Variants in FANCA observed in about 807,000 individuals in gnomAD.
FANCA encodes Fanconi anemia group A protein.
In FANCA, 236 loss-of-function variants were observed where a neutral mutation model predicts 194.3. The observed-to-expected ratio is 1.21, with a 90% CI of 1.09 to 1.35. FANCA has a LOEUF of 1.35. Ranked by LOEUF, FANCA falls within the 40% of genes most tolerant of loss-of-function variation. FANCA has a pLI of 0.00. For missense variants in FANCA, 2,628 were observed against 1,813.9 expected (o/e 1.45, Z -8.15); for synonymous variants, 1,014 against 715.8 (o/e 1.42, Z -6.65).
intron 38 of FANCA, 121 bp from the exon 39 acceptor site, chr16:89,740,220 G>C (rs1019518104): frequency 1.2e-6 from 1 of 868,264 alleles, no homozygotes; most frequent in African/African-American, 1.6e-5. Context: ...TCTTAAAACT[G>C]GTGACAGTTT....
At chr16:89,791,665 C>G in intron 13 of FANCA, 129 bp from the exon 14 acceptor site, 17 of 1,326,646 alleles carry the variant, frequency 1.3e-5, no homozygotes, top group Non-Finnish European at 1.8e-5. Flanking sequence ...TTTTAAAAGA[C>G]TACACAGCAA....
At chr16:89,797,636 G>C (rs1184985998) in intron 10 of FANCA, among the ~76,000 whole-genome samples, 2 of 152,148 alleles carry the variant, frequency 1.3e-5, no homozygotes, top group Non-Finnish European at 2.9e-5. Context: ...CCAGTACTTT[G>C]GGAGGCTGAG....
intron 7 of FANCA, 77 bp downstream of exon 7, chr16:89,805,203 A>G: frequency 1.8e-6 from 2 of 1,120,788 alleles, no homozygotes; most frequent in East Asian, 2.5e-5. Flanking sequence ...TGCCTCGCAG[A>G]GCTCTTGAGA....
At chr16:89,798,400 C>T (rs1012514408) in intron 10 of FANCA, 156 of 1,059,422 alleles carry the variant, frequency 1.5e-4, no homozygotes, top group Non-Finnish European at 1.6e-4. Flanking sequence ...GTAAAAGTAC[C>T]GAACGGTACA....
At chr16:89,759,058 T>C (rs2038855983) in intron 29 of FANCA, among the ~76,000 whole-genome samples, 1 of 151,944 alleles carries the variant, frequency 6.6e-6, no homozygotes, top group South Asian at 2.1e-4. Flanking sequence ...CAGTGGCTCA[T>C]GCCTGTAATC....
intron 28 of FANCA, among the ~76,000 whole-genome samples, chr16:89,764,341 G>C (rs2039052784): frequency 6.6e-6 from 1 of 152,166 alleles, no homozygotes; most frequent in Admixed American, 6.6e-5. Context: ...GTCTTGCTGT[G>C]TCATCCTGGC....
chr16:89,737,803 C>T lies in FANCA; in HGVS notation c.*798G>A, dbSNP rs755674705. 37 of 1,614,066 alleles carry T rather than the reference C, an allele frequency of 2.3e-5. No homozygotes were observed. Among genetic ancestry groups the T allele is most frequent in the Non-Finnish European group, 3.0e-5 (35 of 1,180,036 alleles). On this transcript the variant is annotated 3_prime_UTR_variant, in exon 43 of 43. Coordinates refer to ENST00000389301, the MANE Select transcript of FANCA (RefSeq NM_000135.4). The stretch of plus-strand genomic sequence containing the variant: ...CTGGACTCACTGGACTCTCCCCTCT[C>T]AGAGGTGCGGAACTATATCTGTGAC...
At chr16:89,799,902 G>A (rs1298692465) in intron 8 of FANCA, among the ~76,000 whole-genome samples, 1 of 152,208 alleles carries the variant, frequency 6.6e-6, no homozygotes, top group Non-Finnish European at 1.5e-5. Context: ...GCTGAGGCAG[G>A]AGAATGGCGT....
intron 30 of FANCA, among the ~76,000 whole-genome samples, chr16:89,757,946 C>G (rs2038819547): frequency 6.6e-6 from 1 of 152,166 alleles, no homozygotes; most frequent in South Asian, 2.1e-4. Flanking sequence ...ACCTCTGCCT[C>G]CCAGGTTCAA....
rs1161905441 is a variant in FANCA, at chr16:89,742,945, C to A, written c.3627-7G>T. The A allele has an allele frequency of 6.2e-7, 1 of 1,613,564 alleles. No individual in the cohort carries two copies. Among genetic ancestry groups the A allele is most frequent in the Admixed American group, 1.7e-5 (1 of 59,992 alleles). ...AGCCTCAGGGGAGAGGAAACTGGGACAGAGAGAACGGGGTCATTGCAGGGC... is the reference window on the plus strand; with the variant it reads ...AGCCTCAGGGGAGAGGAAACTGGGAAAGAGAGAACGGGGTCATTGCAGGGC... On this transcript the variant is annotated splice_polypyrimidine_tract_variant and splice_region_variant and intron_variant, in intron 36 of 42. Transcript: ENST00000389301.
intron 13 of FANCA, 122 bp downstream of exon 13, chr16:89,791,805 C>G: frequency 7.8e-7 from 1 of 1,278,108 alleles, no homozygotes; most frequent in African/African-American, 1.5e-5. Context: ...GGAGGCACTG[C>G]AGGTTCCGGG....
At chr16:89,814,342 G>T in intron 3 of FANCA, among the ~76,000 whole-genome samples, 178 bp downstream of exon 3, 1 of 152,232 alleles carries the variant, frequency 6.6e-6, no homozygotes, top group East Asian at 1.9e-4. Context: ...TTTAAACACA[G>T]CATCGTAAGA....
intron 28 of FANCA, among the ~76,000 whole-genome samples, chr16:89,764,642 A>G (rs2039063004): frequency 3.3e-5 from 5 of 152,170 alleles, no homozygotes; most frequent in African/African-American, 1.2e-4. Flanking sequence ...TGAGGCCACA[A>G]CGATTTTAGT....
chr16:89,816,565 GC>G lies in FANCA; in HGVS notation c.50del (p.Gly17AlafsTer27), dbSNP rs748624754. 2.6e-6 allele frequency: 4 copies of G among 1,512,852 alleles called. No homozygotes were observed. The highest frequency in any genetic ancestry group is 3.5e-6 in the Non-Finnish European group (4 of 1,138,622). The allele number at this position is 1,512,852 out of a possible 1,614,324, so 93.7% of individuals were successfully genotyped here. ...PNSASGQDPG[G>X]RRRAWAELLA... ...GCAGCTCGGCCCAGGCCCTCCGGCG[GC>G]CCCCTGGGTCCTGGCCCGAGGCGGA... On this transcript the variant is annotated frameshift_variant, in exon 1 of 43. Coordinates refer to ENST00000389301, the MANE Select transcript of FANCA (RefSeq NM_000135.4). LOFTEE classifies it high-confidence loss of function.
intron 6 of FANCA, among the ~76,000 whole-genome samples, chr16:89,807,000 C>T (rs893009215): frequency 1.1e-4 from 16 of 152,136 alleles, no homozygotes; most frequent in South Asian, 2.1e-4. Flanking sequence ...ACCTCCCTCC[C>T]GGACGGGGCG....
intron 8 of FANCA, among the ~76,000 whole-genome samples, chr16:89,802,562 C>A (rs547436562): frequency 6.6e-6 from 1 of 152,118 alleles, no homozygotes; most frequent in Admixed American, 6.6e-5. Flanking sequence ...CCACCAGGCC[C>A]GGCTAATTTT....
At chr16:89,765,198 A>C in intron 27 of FANCA, 132 bp from the exon 28 acceptor site, 2 of 1,090,660 alleles carry the variant, frequency 1.8e-6, no homozygotes, top group Non-Finnish European at 2.7e-6. Context: ...ACCTCAGTCC[A>C]GCCCCTGGGA....
At chr16:89,802,168 A>T (rs926186951) in intron 8 of FANCA, among the ~76,000 whole-genome samples, 2 of 152,042 alleles carry the variant, frequency 1.3e-5, no homozygotes, top group African/African-American at 4.8e-5. Context: ...GCAAGGCGCA[A>T]TCTTGGCTCA....
chr16:89,787,011 AC>A (rs1166704278), intron 14 of FANCA, among the ~76,000 whole-genome samples: 1 of 152,132 alleles, frequency 6.6e-6, no homozygotes, highest in Non-Finnish European at 1.5e-5. Flanking sequence ...AACAGTCCAG[AC>A]CCGTCGCCAA....
Sources: gnomAD v4.1 joint callset for allele counts (sites outside exome capture counted in the v4.1 genomes callset) on GRCh38, gnomAD v4.1.1 for gene constraint, MANE v1.5 for transcripts, NCBI Gene and HGNC (gene_info 2026-07-23, HGNC 2026-07-21) for gene names.